AP3S1: variants seen among roughly 807,000 people sequenced by gnomAD.
The protein encoded by AP3S1 is adaptor related protein complex 3 subunit sigma 1, also known as AP-3 complex subunit sigma-1.
Under a neutral mutation model 21.3 loss-of-function variants are expected in AP3S1, and 12 were observed. The ratio of observed to expected loss-of-function variants is 0.56; its 90% CI spans 0.36 to 0.91. The LOEUF is 0.91. AP3S1 is among the 40% of genes least tolerant of loss of function. The pLI is 0.01. For missense variants in AP3S1, 116 were observed against 225.0 expected (o/e 0.52, Z 3.10); for synonymous variants, 48 against 78.4 (o/e 0.61, Z 2.05).
At chr5:115,891,312 A>T (rs967916411) in intron 3 of AP3S1, among the ~76,000 whole-genome samples, 6 of 152,154 alleles carry the variant, frequency 3.9e-5, no homozygotes, top group African/African-American at 1.4e-4. Flanking sequence ...TTTGTCCCCC[A>T]CACACCAAGC....
intron 1 of AP3S1, among the ~76,000 whole-genome samples, chr5:115,852,262 G>T (rs891798246): frequency 6.6e-6 from 1 of 151,998 alleles, no homozygotes; most frequent in Non-Finnish European, 1.5e-5. Context: ...AGGTTTGTAA[G>T]ATCTGAAGAG....
At chr5:115,909,000 T>C in intron 5 of AP3S1, 1 of 984,508 alleles carries the variant, frequency 1.0e-6, no homozygotes, top group African/African-American at 1.7e-5. Flanking sequence ...TGAATGTGCA[T>C]ATAGCAACTT....
At chr5:115,865,229 T>C (rs896115242) in intron 1 of AP3S1, among the ~76,000 whole-genome samples, 10 of 152,272 alleles carry the variant, frequency 6.6e-5, no homozygotes, top group African/African-American at 2.4e-4. Flanking sequence ...ATGATCTGTT[T>C]CCACTCAGTG....
At chr5:115,895,350 C>T (rs1219729339) in intron 4 of AP3S1, among the ~76,000 whole-genome samples, 192 bp downstream of exon 4, 5 of 151,876 alleles carry the variant, frequency 3.3e-5, no homozygotes, top group East Asian at 1.9e-4. Flanking sequence ...GAGTTCACAT[C>T]GAAGGGTGGA....
intron 3 of AP3S1, among the ~76,000 whole-genome samples, chr5:115,894,205 G>A (rs1401828886): frequency 1.3e-5 from 2 of 152,178 alleles, no homozygotes; most frequent in Non-Finnish European, 2.9e-5. Context: ...CACAGGACAT[G>A]CTTAATTTCC....
At chr5:115,856,616 C>G (rs902434029) in intron 1 of AP3S1, among the ~76,000 whole-genome samples, 1 of 149,364 alleles carries the variant, frequency 6.7e-6, no homozygotes, top group African/African-American at 2.5e-5. Context: ...AGGTGCCCAC[C>G]ACCATGCTCA....
intron 5 of AP3S1, 22 bp downstream of exon 5, chr5:115,903,014 G>A (rs1751347800): frequency 6.5e-7 from 1 of 1,541,036 alleles, no homozygotes. Flanking sequence ...AAATGCTGTA[G>A]TTAAGAAGGT....
chr5:115,892,244 C>T (rs1051694800), intron 3 of AP3S1, among the ~76,000 whole-genome samples: 3 of 152,068 alleles, frequency 2.0e-5, no homozygotes, highest in South Asian at 2.1e-4. Context: ...CCATGGGGAG[C>T]GGTTTGGAGG....
chr5:115,873,327 A>C (rs1399843312), intron 3 of AP3S1, among the ~76,000 whole-genome samples: 2 of 152,174 alleles, frequency 1.3e-5, no homozygotes, highest in Non-Finnish European at 2.9e-5. Flanking sequence ...AAAATTTTTT[A>C]TCCATGCTTC....
intron 2 of AP3S1, among the ~76,000 whole-genome samples, 185 bp downstream of exon 2, chr5:115,866,946 C>G (rs1352681262): frequency 6.6e-6 from 1 of 151,818 alleles, no homozygotes; most frequent in African/African-American, 2.4e-5. Flanking sequence ...AATCTTTTTT[C>G]CTCTTAAAAA....
chr5:115,851,349 G>A lies in AP3S1; in HGVS notation c.69+9243G>A, dbSNP rs564473995. Among the ~76,000 whole-genome samples the A allele has an allele frequency of 8.5e-5, 13 of 152,256 alleles. 1 individual carries two copies. The South Asian group carries it at 1.9e-3, about 22-fold the overall frequency. ...TTTTATAGGTACATACCCAGAAGTG[G>A]AATTGTTAGATTATATGGTAATTTT... On this transcript the variant is annotated intron_variant, in intron 1 of 5. Transcript: ENST00000316788.
chr5:115,898,749 C>T (rs986245245), intron 4 of AP3S1: 1 of 152,220 alleles, frequency 6.6e-6, no homozygotes, highest in Non-Finnish European at 1.5e-5. Context: ...AGCAGACACA[C>T]ATCAAAAATG....
chr5:115,890,802 C>T (rs898849321), intron 3 of AP3S1, among the ~76,000 whole-genome samples: 3 of 152,010 alleles, frequency 2.0e-5, no homozygotes, highest in Non-Finnish European at 4.4e-5. Flanking sequence ...GAGTTGTTTC[C>T]GGAGCTCTGG....
intron 1 of AP3S1, among the ~76,000 whole-genome samples, chr5:115,849,020 G>T (rs187320077): frequency 6.6e-6 from 1 of 152,148 alleles, no homozygotes; most frequent in African/African-American, 2.4e-5. Flanking sequence ...TGGGAAGAGG[G>T]GTGGTCTTTC....
At chr5:115,900,408 T>G (rs1751110441) in intron 4 of AP3S1, among the ~76,000 whole-genome samples, 1 of 152,252 alleles carries the variant, frequency 6.6e-6, no homozygotes, top group African/African-American at 2.4e-5. Flanking sequence ...CTAGTTCATT[T>G]GACCTGACCT....
chr5:115,861,860 CTTTTCTTTTTTTTTTT>C (rs1763216773), intron 1 of AP3S1, among the ~76,000 whole-genome samples: 1 of 120,124 alleles, frequency 8.3e-6, no homozygotes, highest in African/African-American at 3.3e-5. Flanking sequence ...ATTTTCTTTT[CTTTTCTTTTTTTTTTT>C]TTTTTTTTGA....
chr5:115,895,164 AT>A lies in AP3S1; in HGVS notation c.345+9del, dbSNP rs750344206. 2.7e-5 allele frequency: 43 copies of A among 1,587,478 alleles called. No individual in the cohort carries two copies. In the African/African-American group the frequency reaches 4.8e-4, roughly 18 times the overall value. ...TGATTTTCCATGTAGACAAGGTACT[AT>A]TTGTATTGTCACATCTAAGCTTTTT... On this transcript the variant is annotated splice_region_variant and intron_variant, in intron 4 of 5. Coordinates refer to ENST00000316788, the MANE Select transcript of AP3S1 (RefSeq NM_001284.4).
chr5:115,882,548 T>C (rs13179199), intron 3 of AP3S1, among the ~76,000 whole-genome samples: 18,916 of 152,164 alleles, frequency 0.12, 1,753 homozygotes, highest in East Asian at 0.33. Context: ...CAGCAAAGAT[T>C]GCTGCCTGTT....
chr5:115,903,108 C>T, intron 5 of AP3S1, 116 bp downstream of exon 5: 1 of 735,730 alleles, frequency 1.4e-6, no homozygotes, highest in Non-Finnish European at 2.2e-6. Context: ...AGCCGTTATG[C>T]TTATTCAGTT....
Sources: gnomAD v4.1 joint callset for allele counts (sites outside exome capture counted in the v4.1 genomes callset) on GRCh38, gnomAD v4.1.1 for gene constraint, MANE v1.5 for transcripts, NCBI Gene and HGNC (gene_info 2026-07-23, HGNC 2026-07-21) for gene names.